Variants in TMEM63A observed in about 807,000 individuals in gnomAD.
TMEM63A encodes the protein transmembrane protein 63A.
TMEM63A carries 76 observed loss-of-function variants against 100.6 expected under a neutral mutation model. The ratio of observed to expected loss-of-function variants is 0.76; its 90% CI spans 0.63 to 0.91. TMEM63A has a LOEUF of 0.91. Among genes scored for constraint, TMEM63A ranks in the 40% least tolerant of loss-of-function variants. TMEM63A has a pLI of 0.00. For synonymous variants in TMEM63A, 401 were observed against 401.1 expected (o/e 1.00, Z 0.00); for missense variants, 876 against 1,008.8 (o/e 0.87, Z 1.78).
chr1:225,857,930 T>TACATAGA (rs1275335857), intron 15 of TMEM63A, among the ~76,000 whole-genome samples: 1 of 152,226 alleles, frequency 6.6e-6, no homozygotes, highest in Non-Finnish European at 1.5e-5. Flanking sequence ...CTTAGGTAGT[T>TACATAGA]TAAAACTATC....
intron 16 of TMEM63A, 77 bp downstream of exon 16, chr1:225,856,834 G>C: frequency 6.3e-7 from 1 of 1,583,066 alleles, no homozygotes; most frequent in Non-Finnish European, 8.6e-7. Context: ...GAGCAGCTGG[G>C]GGGTTAGGGT....
chr1:225,862,081 G>A lies in TMEM63A; in HGVS notation c.1085+137C>T. 6 of 1,318,510 alleles carry A rather than the reference G, an allele frequency of 4.6e-6. No homozygotes were observed. In the South Asian group the frequency reaches 8.5e-5, roughly 19 times the overall value. The allele number at this position is 1,318,510 out of a possible 1,614,324, so 81.7% of individuals were successfully genotyped here. A position where few individuals can be genotyped will look rare whatever the true frequency, so the allele number is the denominator to read the frequency against. ...CTGAAAGTGAGTGTGGGTAGCTGAG[G>A]GAGGAGAAGGAAACACCACAGATAA... On this transcript the variant is annotated intron_variant, in intron 13 of 24. Coordinates refer to ENST00000366835, the MANE Select transcript of TMEM63A (RefSeq NM_014698.3). This position sits in a 1 kb window ranked among gnomAD's most constrained non-coding sequence, Gnocchi z 5.1.
At position 225,877,409 on chromosome 1, in the gene TMEM63A, C is replaced by T. The variant is rs752862561; in HGVS notation, c.172G>A (p.Val58Ile). Residue 58 changes from valine to isoleucine, a missense_variant, in exon 3 of 25, where the codon GTC becomes ATC. Physicochemically the swap from Val to Ile is conservative, Grantham distance 29 (BLOSUM62 3). Coordinates refer to ENST00000366835, the MANE Select transcript of TMEM63A (RefSeq NM_014698.3). Reference protein sequence around the residue: ...GGIPTVLLIDVSCFLFLILVF... With the variant: ...GGIPTVLLIDISCFLFLILVF... ...AGGGCTCTCACCAGGAAGCAGCTGA[C>T]GTCTATGAGCAGGACAGTGGGGATG... The T allele has an allele frequency of 1.1e-5, 18 of 1,612,412 alleles. No homozygotes were observed. Among genetic ancestry groups the T allele is most frequent in the East Asian group, 2.2e-5 (1 of 44,834 alleles).
chr1:225,842,438 C>G, downstream of TMEM63A: 1 of 1,613,960 alleles, frequency 6.2e-7, no homozygotes. Flanking sequence ...TGGACCAATA[C>G]GGAATTCCGA....
intron 16 of TMEM63A, 39 bp from the exon 17 acceptor site, chr1:225,856,777 A>C: frequency 6.2e-7 from 1 of 1,601,126 alleles, no homozygotes; most frequent in Non-Finnish European, 8.5e-7. Flanking sequence ...AGTCCCCCAA[A>C]TGCTCTATGT....
intron 14 of TMEM63A, 122 bp from the exon 15 acceptor site, chr1:225,859,471 G>C: frequency 1.7e-6 from 2 of 1,192,266 alleles, no homozygotes; most frequent in Non-Finnish European, 2.3e-6. Flanking sequence ...TCTCTGCACT[G>C]ACCTTCAACT....
At chr1:225,870,352 G>GAAAA (rs34918009) in intron 6 of TMEM63A, among the ~76,000 whole-genome samples, 1 of 141,014 alleles carries the variant, frequency 7.1e-6, no homozygotes, top group Non-Finnish European at 1.5e-5. Context: ...AACTCGGTCT[G>GAAAA]AAAAAAAAAA....
At chr1:225,845,111 C>A (rs773194228), downstream of TMEM63A, 2 of 1,609,696 alleles carry the variant, frequency 1.2e-6, no homozygotes, top group Admixed American at 3.3e-5. Flanking sequence ...CGCAGGGCCA[C>A]AGCCTCACCC....
chr1:225,865,735 G>A lies in TMEM63A; in HGVS notation c.746+162C>T, dbSNP rs1013468667. 3 of 672,702 alleles carry A rather than the reference G, an allele frequency of 4.5e-6. No individual in the cohort carries two copies. In the Admixed American group the frequency reaches 8.0e-5, roughly 18 times the overall value. 41.7% of individuals were successfully genotyped at this position (672,702 alleles called of 1,614,324 possible). A position where few individuals can be genotyped will look rare whatever the true frequency, so the allele number is the denominator to read the frequency against. ...GCACCAGCAGGGCTGGCACACAGGA[G>A]CCACTCCATACACGTGTGGCAGGGC... On this transcript the variant is annotated intron_variant, in intron 10 of 24. Transcript: ENST00000366835. This position sits in a 1 kb window ranked among gnomAD's most constrained non-coding sequence, Gnocchi z 4.6.
At chr1:225,863,142 C>T in intron 10 of TMEM63A, 1 of 371,232 alleles carries the variant, frequency 2.7e-6, no homozygotes, top group Non-Finnish European at 5.1e-6. Flanking sequence ...TAGCCTCAAC[C>T]TTCTGGGCTC....
chr1:225,860,595 A>C, intron 14 of TMEM63A: 1 of 335,192 alleles, frequency 3.0e-6, no homozygotes, highest in Non-Finnish European at 5.3e-6. Flanking sequence ...TAGCATGGCT[A>C]TTAGGAAATT....
chr1:225,851,191 C>G (rs1449626876), intron 20 of TMEM63A, among the ~76,000 whole-genome samples: 2 of 152,086 alleles, frequency 1.3e-5, no homozygotes, highest in South Asian at 2.1e-4. Context: ...CCATGCTGAG[C>G]CCCTGTATGT....
rs1669815780 is a variant in TMEM63A, at chr1:225,859,352, G to A, written c.1224-3C>T. On this transcript the variant is annotated splice_polypyrimidine_tract_variant and splice_region_variant and intron_variant, in intron 14 of 24. Coordinates refer to ENST00000366835, the MANE Select transcript of TMEM63A (RefSeq NM_014698.3). Reference sequence around the variant, plus strand: ...GGCCCTGGATAGAGAGGTTCTTCCTGCAGCGGGAGAGGGGATACAGGTCTC... The same window carrying A: ...GGCCCTGGATAGAGAGGTTCTTCCTACAGCGGGAGAGGGGATACAGGTCTC... 6.2e-7 allele frequency: 1 copy of A among 1,613,696 alleles called. No individual in the cohort carries two copies.
chr1:225,857,384 CGGGGGGGG>C lies in TMEM63A; in HGVS notation c.1378-375_1378-368del. 3.2e-5 allele frequency among the ~76,000 whole-genome samples: 3 copies of C among 93,870 alleles called. 1 individual carries two copies. 61.6% of individuals were successfully genotyped at this position (93,870 alleles called of 152,430 possible). A position where few individuals can be genotyped will look rare whatever the true frequency, so the allele number is the denominator to read the frequency against. ...AGGCCTGGAGTCCTGGCCGGCGGGG[CGGGGGGGG>C]GGGGGTGCCCTGCCTGCTCAGCTCC... On this transcript the variant is annotated intron_variant, in intron 15 of 24. Transcript: ENST00000366835.
chr1:225,877,315 C>G (rs1670855042), intron 3 of TMEM63A, 80 bp downstream of exon 3: 1 of 1,479,560 alleles, frequency 6.8e-7, no homozygotes, highest in Non-Finnish European at 9.1e-7. Flanking sequence ...GACTTCTCAT[C>G]TAAGTTTCCC....
chr1:225,868,352 CCCTGTCCTGCT>C (rs1330348934), intron 6 of TMEM63A, among the ~76,000 whole-genome samples: 2 of 152,042 alleles, frequency 1.3e-5, no homozygotes, highest in Non-Finnish European at 2.9e-5. Flanking sequence ...CATCTCACAG[CCCTGTCCTGCT>C]TCTAAGAAAT....
intron 14 of TMEM63A, 172 bp from the exon 15 acceptor site, chr1:225,859,521 G>A (rs1272677121): frequency 1.3e-6 from 1 of 760,568 alleles, no homozygotes; most frequent in Non-Finnish European, 2.1e-6. Flanking sequence ...AGCTCAGAGG[G>A]AACAATTATT....
Position 225,851,003 on chromosome 1 carries a change from A to G in TMEM63A, c.1904-924T>C, listed in dbSNP as rs368838797. 2.4e-3 allele frequency among the ~76,000 whole-genome samples: 366 copies of G among 151,954 alleles called. 2 individuals carry two copies. Among genetic ancestry groups the G allele is most frequent in the African/African-American group, 7.3e-3 (303 of 41,444 alleles). ...TGGGATTACAGGCGAGAGCCACCGC[A>G]CCCGGCAGTGTATGTCTTTCATCCG... On this transcript the variant is annotated intron_variant, in intron 20 of 24. Coordinates refer to ENST00000366835, the MANE Select transcript of TMEM63A (RefSeq NM_014698.3).
At chr1:225,845,235 A>C (rs762453251), downstream of TMEM63A, 1 of 1,614,078 alleles carries the variant, frequency 6.2e-7, no homozygotes, top group Admixed American at 1.7e-5. Flanking sequence ...AAGTACCCAA[A>C]GCTCATCTCC....
Sources: allele counts gnomAD v4.1 joint callset (sites outside exome capture counted in the v4.1 genomes callset), GRCh38; gene constraint gnomAD v4.1.1; non-coding constraint Gnocchi (gnomAD v3.1); transcripts MANE v1.5; gene names NCBI Gene and HGNC (gene_info 2026-07-23, HGNC 2026-07-21).